The following SH3RF3 variants were observed in gnomAD, a reference collection of about 807,000 sequenced individuals.
SH3RF3 encodes E3 ubiquitin-protein ligase SH3RF3.
SH3RF3 carries 29 observed loss-of-function variants against 66.3 expected under a neutral mutation model. The observed-to-expected ratio is 0.44, with a 90% CI of 0.33 to 0.60. SH3RF3 has a LOEUF of 0.60. Among genes scored for constraint, SH3RF3 ranks in the 20% least tolerant of loss-of-function variants. The pLI is 0.04. For synonymous variants in SH3RF3, 583 were observed against 532.0 expected (o/e 1.10, Z -1.32); for missense variants, 1,194 against 1,190.9 (o/e 1.00, Z -0.04).
intron 5 of SH3RF3, among the ~76,000 whole-genome samples, chr2:109,428,975 G>T (rs141747049): frequency 1.3e-5 from 2 of 152,240 alleles, no homozygotes; most frequent in Non-Finnish European, 2.9e-5. Context: ...TGCAGGGGAC[G>T]CCATCCAGCT....
intron 1 of SH3RF3, among the ~76,000 whole-genome samples, chr2:109,188,421 G>A (rs893284640): frequency 2.9e-4 from 44 of 152,306 alleles, no homozygotes; most frequent in East Asian, 9.7e-4. Flanking sequence ...GACCCCATGG[G>A]CCCAGCCATC....
chr2:109,474,934 T>C (rs547803390), intron 8 of SH3RF3, among the ~76,000 whole-genome samples: 2 of 152,304 alleles, frequency 1.3e-5, no homozygotes, highest in South Asian at 4.1e-4. Flanking sequence ...ATAGCACCTT[T>C]CAGTGTTTTT....
At chr2:109,391,662 G>A (rs752569792) in intron 3 of SH3RF3, among the ~76,000 whole-genome samples, 2 of 152,164 alleles carry the variant, frequency 1.3e-5, no homozygotes, top group Non-Finnish European at 2.9e-5. Flanking sequence ...AGGGTTCGAT[G>A]TCCCCAGGAA....
chr2:109,342,636 G>A lies in SH3RF3; in HGVS notation c.574-5038G>A, dbSNP rs372163374. Among the ~76,000 whole-genome samples, 293 of 152,312 alleles carry A rather than the reference G, an allele frequency of 1.9e-3. 1 individual carries two copies. Among genetic ancestry groups the A allele is most frequent in the African/African-American group, 6.3e-3 (261 of 41,574 alleles). On this transcript the variant is annotated intron_variant, in intron 1 of 9. Transcript: ENST00000309415. ...TTGTGCCCTCCCGACGCTGCAGGCCGACTCTGGCACCCGCCCTTACTCAGG... is the reference window on the plus strand; with the variant it reads ...TTGTGCCCTCCCGACGCTGCAGGCCAACTCTGGCACCCGCCCTTACTCAGG...
chr2:109,158,717 A>G (rs930798292), intron 1 of SH3RF3, among the ~76,000 whole-genome samples: 2 of 152,252 alleles, frequency 1.3e-5, no homozygotes, highest in African/African-American at 4.8e-5. Context: ...ATGCCACATC[A>G]TGGATGAATG....
intron 1 of SH3RF3, among the ~76,000 whole-genome samples, chr2:109,219,809 A>G (rs1236428012): frequency 1.3e-5 from 2 of 152,234 alleles, no homozygotes; most frequent in African/African-American, 4.8e-5. Context: ...TCTCTTGTTC[A>G]TGGATTGGAA....
intron 7 of SH3RF3, among the ~76,000 whole-genome samples, chr2:109,447,544 A>G (rs774259736): frequency 3.3e-5 from 5 of 152,204 alleles, no homozygotes; most frequent in Non-Finnish European, 5.9e-5. Context: ...AAGAATGCAC[A>G]GCAGCTGGAT....
In SH3RF3 at chr2:109,347,813, G is replaced by T; in HGVS notation, c.713G>T (p.Gly238Val). ...CAGTGGTACCACGGCGAGCTGCACG[G>T]CACACAGGGCTTCCTCCCAGCCAGC... ...DEQWYHGELH[G>V]TQGFLPASYI... is the part of the protein sequence containing the mutation. The change falls in exon 2 of 10, where the codon GGC becomes GTC. Residue 238 changes from glycine to valine, a missense_variant. By Grantham distance (109) the Gly-to-Val change is moderately radical. Coordinates refer to ENST00000309415, the MANE Select transcript of SH3RF3 (RefSeq NM_001099289.3). The T allele has an allele frequency of 2.5e-6, 4 of 1,613,948 alleles. No individual in the cohort carries two copies. Among genetic ancestry groups the T allele is most frequent in the Non-Finnish European group, 3.4e-6 (4 of 1,179,864 alleles).
chr2:109,424,215 G>A (rs1676970632), intron 5 of SH3RF3, among the ~76,000 whole-genome samples: 1 of 152,324 alleles, frequency 6.6e-6, no homozygotes, highest in Non-Finnish European at 1.5e-5. Context: ...ACAGCCCTGC[G>A]GAGTTTCCCC....
At chr2:109,215,567 A>G (rs1388317684) in intron 1 of SH3RF3, among the ~76,000 whole-genome samples, 5 of 151,890 alleles carry the variant, frequency 3.3e-5, no homozygotes, top group African/African-American at 1.2e-4. Context: ...CCCCTGTCTG[A>G]TGTAGTTTTT....
At chr2:109,249,575 C>CTTTT in intron 1 of SH3RF3, among the ~76,000 whole-genome samples, 3 of 117,536 alleles carry the variant, frequency 2.6e-5, no homozygotes, top group African/African-American at 1.1e-4. Context: ...TTCCTTCCTT[C>CTTTT]CTTCCTTCCT....
intron 1 of SH3RF3, among the ~76,000 whole-genome samples, chr2:109,290,748 C>T (rs1377159400): frequency 2.0e-5 from 3 of 152,250 alleles, no homozygotes; most frequent in Non-Finnish European, 2.9e-5. Context: ...CTGTTACACC[C>T]ATACCTTTCC....
intron 5 of SH3RF3, among the ~76,000 whole-genome samples, chr2:109,420,804 G>A (rs1214812970): frequency 6.6e-6 from 1 of 152,212 alleles, no homozygotes; most frequent in Non-Finnish European, 1.5e-5. Flanking sequence ...AGCTTCAAAA[G>A]GTCTAGAAGT....
rs530090012 is a variant in SH3RF3 at position 109,392,204 on chromosome 2, G to T, written c.946-6386G>T. 3.5e-4 allele frequency among the ~76,000 whole-genome samples: 54 copies of T among 152,300 alleles called. 1 individual carries two copies. The highest frequency in any genetic ancestry group is 3.4e-3 in the Admixed American group (52 of 15,296). On this transcript the variant is annotated intron_variant, in intron 3 of 9. Coordinates refer to ENST00000309415, the MANE Select transcript of SH3RF3 (RefSeq NM_001099289.3). ...TAGTCAAGGGCATAGGTATACCTCA[G>T]TGAATATATTCTTTTTTTTACATCA...
chr2:109,146,998 T>C (rs1318686321), intron 1 of SH3RF3, among the ~76,000 whole-genome samples: 1 of 148,544 alleles, frequency 6.7e-6, no homozygotes, highest in African/African-American at 2.5e-5. Flanking sequence ...CTGGGACTCA[T>C]CTCCCAACCT....
In SH3RF3 at chr2:109,129,823, C is replaced by T; in HGVS notation, c.283C>T (p.Pro95Ser). The T allele has an allele frequency of 6.5e-7, 1 of 1,537,378 alleles. No homozygotes were observed. Among genetic ancestry groups the T allele is most frequent in the Non-Finnish European group, 8.7e-7 (1 of 1,145,330 alleles). Residue 95 changes from proline to serine, a missense_variant, in exon 1 of 10, where the codon CCC (proline) becomes TCC (serine). Pro to Ser is a moderately conservative substitution (Grantham distance 74, BLOSUM62 -1). Coordinates refer to ENST00000309415, the MANE Select transcript of SH3RF3 (RefSeq NM_001099289.3). ...GTGCTCGCGCCACGAGCTGCGCTGCCCCGAGTGCCGCATCCTGGTGGGCTG... is the reference window on the plus strand; with the variant it reads ...GTGCTCGCGCCACGAGCTGCGCTGCTCCGAGTGCCGCATCCTGGTGGGCTG... Reference protein sequence around the residue: ...IVCSRHELRCPECRILVGCGV... With the variant: ...IVCSRHELRCSECRILVGCGV...
intron 2 of SH3RF3, among the ~76,000 whole-genome samples, chr2:109,350,094 G>A (rs1401471775): frequency 6.6e-6 from 1 of 152,236 alleles, no homozygotes; most frequent in Non-Finnish European, 1.5e-5. Flanking sequence ...CTCCTGAGTA[G>A]TCAGTGATGG....
At chr2:109,395,692 G>T (rs1056412657) in intron 3 of SH3RF3, among the ~76,000 whole-genome samples, 1 of 152,226 alleles carries the variant, frequency 6.6e-6, no homozygotes, top group Non-Finnish European at 1.5e-5. Context: ...GCCTCTCGGG[G>T]ACACGTGCTG....
rs531759537 is a variant in SH3RF3 at position 109,244,481 on chromosome 2, C to T, written c.574-103193C>T. ...GTCTTCCTGATGTGTTGGAACTACC[C>T]CCAAACAAATGCCAAATGTGAGATT... On this transcript the variant is annotated intron_variant, in intron 1 of 9. Transcript: ENST00000309415. Among the ~76,000 whole-genome samples the T allele has an allele frequency of 3.4e-4, 51 of 152,216 alleles. 1 individual carries two copies. Among genetic ancestry groups the T allele is most frequent in the African/African-American group, 1.2e-3 (48 of 41,536 alleles).
Sources: allele counts gnomAD v4.1 joint callset (sites outside exome capture counted in the v4.1 genomes callset), GRCh38; gene constraint gnomAD v4.1.1; transcripts MANE v1.5; gene names NCBI Gene and HGNC (gene_info 2026-07-23, HGNC 2026-07-21).